The following STK11 variants were observed in gnomAD, a reference collection of about 807,000 sequenced individuals.
STK11 encodes the protein serine/threonine-protein kinase STK11.
Under a neutral mutation model 47.3 loss-of-function variants are expected in STK11, and 8 were observed. The ratio of observed to expected loss-of-function variants is 0.17; its 90% CI spans 0.10 to 0.31. The LOEUF (loss-of-function observed/expected upper bound fraction) is 0.31. STK11 is among the 10% of genes least tolerant of loss of function. The probability of loss-of-function intolerance (pLI) is 1.00; values close to 1 mark genes in which losing one functional copy is unlikely to be tolerated. For missense variants in STK11, 475 were observed against 605.0 expected (o/e 0.79, Z 2.25); for synonymous variants, 330 against 255.8 (o/e 1.29, Z -2.77).
At chr19:1,225,432 G>C in intron 8 of STK11, 1 of 795,256 alleles carries the variant, frequency 1.3e-6, no homozygotes, top group Non-Finnish European at 1.5e-6. Context: ...AGCATGCCCG[G>C]CTAATTTTTG....
intron 1 of STK11, among the ~76,000 whole-genome samples, chr19:1,218,041 G>A (rs1201116910): frequency 6.6e-6 from 1 of 152,160 alleles, no homozygotes; most frequent in Non-Finnish European, 1.5e-5. Flanking sequence ...CTACTCGGGA[G>A]GCTGAGGCAG....
At position 1,205,852 on chromosome 19, in the gene STK11, G is replaced by T; in HGVS notation, c.-1062G>T. The T allele has an allele frequency of 4.9e-6, 1 of 205,066 alleles. No homozygotes were observed. The highest frequency in any genetic ancestry group is 1.0e-5 in the Non-Finnish European group (1 of 100,026). 12.7% of individuals were successfully genotyped at this position (205,066 alleles called of 1,614,324 possible). The stretch of plus-strand genomic sequence containing the variant: ...CCCGGGGCGCCCGCGAGTGAGGCGC[G>T]GGGCGGCGAAGGGAGCGCGGGTGGC... On this transcript the variant is annotated 5_prime_UTR_variant, in exon 1 of 10. Transcript: ENST00000326873.
At chr19:1,226,963 C>T (rs2080828408) in intron 9 of STK11, 1 of 391,104 alleles carries the variant, frequency 2.6e-6, no homozygotes, top group African/African-American at 2.2e-5. Flanking sequence ...TGCCCTGGGC[C>T]TGGCGCCCCC....
Position 1,225,458 on chromosome 19 carries a change from C to T in STK11, c.1109-996C>T, listed in dbSNP as rs1174573405. ...CTAATTTTTGTATGTTTAGTAGAGA[C>T]GGGGGTTTCACCATGTTGGTCAGGC... On this transcript the variant is annotated intron_variant, in intron 8 of 9. Transcript: ENST00000326873. 28 of 824,872 alleles carry T rather than the reference C, an allele frequency of 3.4e-5. No homozygotes were observed. The South Asian group carries it at 7.2e-4, about 21-fold the overall frequency. 51.1% of individuals were successfully genotyped at this position (824,872 alleles called of 1,614,324 possible). A position where few individuals can be genotyped will look rare whatever the true frequency, so the allele number is the denominator to read the frequency against.
chr19:1,228,157 C>T lies in STK11; in HGVS notation c.*581C>T, dbSNP rs1431535292. 8.5e-6 allele frequency: 9 copies of T among 1,062,304 alleles called. No homozygotes were observed. Among genetic ancestry groups the T allele is most frequent in the Non-Finnish European group, 9.1e-6 (8 of 876,568 alleles). 65.8% of individuals were successfully genotyped at this position (1,062,304 alleles called of 1,614,324 possible). A position where few individuals can be genotyped will look rare whatever the true frequency, so the allele number is the denominator to read the frequency against. On this transcript the variant is annotated 3_prime_UTR_variant, in exon 10 of 10. Coordinates refer to ENST00000326873, the MANE Select transcript of STK11 (RefSeq NM_000455.5). ...GGCAGGGGGGCTGTGGGGTCGGGCT[C>T]ACGTCGCGGCCGCCTTTGCGCTCTC...
chr19:1,215,288 C>T (rs2080737927), intron 1 of STK11, among the ~76,000 whole-genome samples: 2 of 152,344 alleles, frequency 1.3e-5, no homozygotes, highest in South Asian at 4.1e-4. Context: ...GGAATTGGTG[C>T]CACCACCACA....
chr19:1,206,453 G>A lies in STK11; in HGVS notation c.-461G>A, dbSNP rs552610464. ...TGTGGGGGTCCCGGGGGGTAGCGAC[G>A]TCGCGGACCCGGCCTGTGGGATGGG... On this transcript the variant is annotated 5_prime_UTR_variant, in exon 1 of 10. Transcript: ENST00000326873. The A allele has an allele frequency of 1.7e-4, 40 of 239,396 alleles. No homozygotes were observed. Among genetic ancestry groups the A allele is most frequent in the Admixed American group, 9.9e-4 (18 of 18,232 alleles). The allele number at this position is 239,396 out of a possible 1,614,324, so 14.8% of individuals were successfully genotyped here. A position where few individuals can be genotyped will look rare whatever the true frequency, so the allele number is the denominator to read the frequency against.
chr19:1,208,958 G>A (rs1480004093), intron 1 of STK11, among the ~76,000 whole-genome samples: 4 of 152,046 alleles, frequency 2.6e-5, no homozygotes, highest in African/African-American at 7.2e-5. Flanking sequence ...TGTGACATGC[G>A]GAAACCAGGG....
chr19:1,222,994 G>C lies in STK11; in HGVS notation c.930G>C (p.Arg310=), dbSNP rs2080795732. 1 of 1,556,846 alleles carries C rather than the reference G, an allele frequency of 6.4e-7. No homozygotes were observed. The highest frequency in any genetic ancestry group is 8.7e-7 in the Non-Finnish European group (1 of 1,148,986). Residue 310 remains arginine (R), a synonymous_variant, in exon 8 of 10, where the codon CGG becomes CGC. Transcript: ENST00000326873. ...IRQIRQHSWF[R]KKHPPAEAPV... is the part of the protein sequence containing the mutation. Reference sequence around the variant, plus strand: ...TTCTGGGCGTTTGCAGCTGGTTCCGGAAGAAACATCCTCCGGCTGAAGCAC... The same window carrying C: ...TTCTGGGCGTTTGCAGCTGGTTCCGCAAGAAACATCCTCCGGCTGAAGCAC...
Position 1,210,514 on chromosome 19 carries a change from C to T in STK11, c.290+3311C>T, listed in dbSNP as rs551004937. Among the ~76,000 whole-genome samples, 12 of 152,232 alleles carry T rather than the reference C, an allele frequency of 7.9e-5. No individual in the cohort carries two copies. In the East Asian group the frequency reaches 1.4e-3, roughly 17 times the overall value. On this transcript the variant is annotated intron_variant, in intron 1 of 9. Coordinates refer to ENST00000326873, the MANE Select transcript of STK11 (RefSeq NM_000455.5). The stretch of plus-strand genomic sequence containing the variant: ...CAGCCCTGGAGTCCATGCCTTGTCC[C>T]GCTCTCACCGGCAAAAAGTATAATC...
intron 8 of STK11, chr19:1,226,030 G>C (rs774409887): frequency 2.4e-4 from 243 of 1,016,658 alleles, no homozygotes; most frequent in Admixed American, 1.1e-3. Context: ...CCTGGCCCGA[G>C]CCTGGCCCTC....
chr19:1,218,409 T>C lies in STK11; in HGVS notation c.291-8T>C, dbSNP rs2145420484. The C allele has an allele frequency of 6.2e-7, 1 of 1,612,030 alleles. No homozygotes were observed. Among genetic ancestry groups the C allele is most frequent in the Non-Finnish European group, 8.5e-7 (1 of 1,178,384 alleles). On this transcript the variant is annotated splice_region_variant and splice_polypyrimidine_tract_variant and intron_variant, in intron 1 of 9. Transcript: ENST00000326873. ...TCGGCTGATACACCCCTGTCCTCTC[T>C]GTCCCAGGGAAATTCAACTACTGAG...
intron 8 of STK11, chr19:1,224,160 G>C: frequency 1.0e-6 from 1 of 986,816 alleles, no homozygotes; most frequent in Non-Finnish European, 1.2e-6. Flanking sequence ...TACAGTGTGG[G>C]GGCCCCCGAG....
intron 6 of STK11, 24 bp downstream of exon 6, chr19:1,221,364 G>A (rs567591326): frequency 5.7e-6 from 9 of 1,589,284 alleles, no homozygotes; most frequent in Admixed American, 3.5e-5. Flanking sequence ...CCCTCTGCCC[G>A]CAGCCCCAGG....
At chr19:1,217,690 C>T (rs1307616919) in intron 1 of STK11, among the ~76,000 whole-genome samples, 1 of 152,170 alleles carries the variant, frequency 6.6e-6, no homozygotes, top group African/African-American at 2.4e-5. Flanking sequence ...CCTTCCAGCT[C>T]ACCTGCGGCC....
intron 1 of STK11, among the ~76,000 whole-genome samples, chr19:1,215,040 C>T (rs377405820): frequency 1.3e-5 from 2 of 152,292 alleles, no homozygotes; most frequent in South Asian, 2.1e-4. Flanking sequence ...CCTTCATCAG[C>T]GGGGGAGGTT....
Position 1,206,707 on chromosome 19 carries a change from C to G in STK11, c.-207C>G. The stretch of plus-strand genomic sequence containing the variant: ...GCCCGCCGGTCCGCAGACCCTGCAC[C>G]GGGCTTGGACTCGCAGCCGGGACTG... On this transcript the variant is annotated 5_prime_UTR_variant, in exon 1 of 10. Coordinates refer to ENST00000326873, the MANE Select transcript of STK11 (RefSeq NM_000455.5). 2.9e-6 allele frequency: 2 copies of G among 700,800 alleles called. No individual in the cohort carries two copies. Among genetic ancestry groups the G allele is most frequent in the Admixed American group, 3.2e-5 (1 of 31,258 alleles). The allele number at this position is 700,800 out of a possible 1,614,324, so 43.4% of individuals were successfully genotyped here.
intron 1 of STK11, among the ~76,000 whole-genome samples, chr19:1,214,505 G>A (rs1002761340): frequency 1.6e-4 from 25 of 152,196 alleles, no homozygotes; most frequent in African/African-American, 4.3e-4. Context: ...TCCTGTGCCC[G>A]TTTCCCCATC....
chr19:1,222,384 CAG>C (rs560047956), intron 7 of STK11, among the ~76,000 whole-genome samples: 32 of 152,306 alleles, frequency 2.1e-4, no homozygotes, highest in African/African-American at 6.7e-4. Flanking sequence ...AGCTCCATGA[CAG>C]GGAAGACAGA....
Sources: gnomAD v4.1 joint callset for allele counts (sites outside exome capture counted in the v4.1 genomes callset) on GRCh38, gnomAD v4.1.1 for gene constraint, MANE v1.5 for transcripts, NCBI Gene and HGNC (gene_info 2026-07-23, HGNC 2026-07-21) for gene names.